The following PCDHA2 variants were observed in gnomAD, a reference collection of about 807,000 sequenced individuals.
PCDHA2 encodes the protein protocadherin alpha-2.
In PCDHA2, 58 loss-of-function variants were observed where a neutral mutation model predicts 66.0. The observed-to-expected ratio is 0.88, with a 90% confidence interval of 0.71 to 1.09. The LOEUF (loss-of-function observed/expected upper bound fraction) is 1.09. PCDHA2 is among the 50% of genes least tolerant of loss of function. The probability of loss-of-function intolerance (pLI) is 0.00; values close to 1 mark genes in which losing one functional copy is unlikely to be tolerated. For missense variants in PCDHA2, 1,267 were observed against 1,242.3 expected (o/e 1.02, Z -0.30); for synonymous variants, 634 against 554.0 (o/e 1.14, Z -2.03).
chr5:140,876,481 C>G, intron 1 of PCDHA2: 1 of 1,613,996 alleles, frequency 6.2e-7, no homozygotes, highest in Non-Finnish European at 8.5e-7. Context: ...CAGCATGGTC[C>G]TGGTGGAAGT....
intron 1 of PCDHA2, among the ~76,000 whole-genome samples, chr5:140,934,486 A>G (rs1243287097): frequency 6.6e-6 from 1 of 152,124 alleles, no homozygotes; most frequent in East Asian, 1.9e-4. Context: ...AATTATATTC[A>G]CCTCATAAAC....
intron 1 of PCDHA2, chr5:140,823,555 C>G: frequency 3.1e-6 from 5 of 1,613,846 alleles, no homozygotes; most frequent in South Asian, 1.1e-5. Context: ...GGCGAAGGTG[C>G]GCGCAGTGGA....
chr5:140,952,903 C>T (rs896493880), intron 1 of PCDHA2, among the ~76,000 whole-genome samples: 4 of 152,092 alleles, frequency 2.6e-5, no homozygotes, highest in African/African-American at 7.2e-5. Flanking sequence ...GGGAATCAAG[C>T]TCATCTTACA....
intron 2 of PCDHA2, among the ~76,000 whole-genome samples, chr5:140,979,895 T>G (rs1460432451): frequency 6.6e-6 from 1 of 152,222 alleles, no homozygotes; most frequent in Non-Finnish European, 1.5e-5. Context: ...TTCACCAAAC[T>G]TAGATCAGTT....
At chr5:140,831,018 G>C (rs1251776319) in intron 1 of PCDHA2, 1 of 152,212 alleles carries the variant, frequency 6.6e-6, no homozygotes, top group Non-Finnish European at 1.5e-5. Flanking sequence ...TCCCTTTTCA[G>C]ACTTGTGATT....
chr5:140,927,942 T>C, intron 1 of PCDHA2: 1 of 1,614,226 alleles, frequency 6.2e-7, no homozygotes, highest in Non-Finnish European at 8.5e-7. Flanking sequence ...ACCCAGTACC[T>C]GAGGACGCTG....
At chr5:140,959,614 G>T (rs1175211325) in intron 1 of PCDHA2, among the ~76,000 whole-genome samples, 1 of 152,024 alleles carries the variant, frequency 6.6e-6, no homozygotes, top group African/African-American at 2.4e-5. Context: ...TTTCTTGCTT[G>T]TGATAGAAAA....
intron 1 of PCDHA2, chr5:140,859,616 C>G (rs978716581): frequency 6.2e-6 from 1 of 162,228 alleles, no homozygotes; most frequent in Non-Finnish European, 1.3e-5. Flanking sequence ...TCTTTCCTTT[C>G]TCTTTGAGTA....
intron 1 of PCDHA2, chr5:140,878,115 A>T: frequency 4.3e-6 from 1 of 232,352 alleles, no homozygotes; most frequent in Non-Finnish European, 8.1e-6. Flanking sequence ...AAAAAACAGT[A>T]TATTAGATTA....
chr5:140,943,719 T>G (rs1198620937), intron 1 of PCDHA2, among the ~76,000 whole-genome samples: 2 of 152,126 alleles, frequency 1.3e-5, no homozygotes, highest in African/African-American at 4.8e-5. Context: ...TTTAAAGGTC[T>G]GAGAGAATGA....
At chr5:140,835,706 G>A in intron 1 of PCDHA2, 1 of 1,613,896 alleles carries the variant, frequency 6.2e-7, no homozygotes, top group Non-Finnish European at 8.5e-7. Context: ...CTGCTAGCGT[G>A]TCCGTGGAGG....
At chr5:140,842,908 G>A (rs2150347706) in intron 1 of PCDHA2, 9 of 1,594,496 alleles carry the variant, frequency 5.6e-6, no homozygotes, top group African/African-American at 1.3e-5. Flanking sequence ...AGGAGCTAGA[G>A]CTGCTGCAGT....
chr5:140,979,870 A>G (rs376036380), intron 2 of PCDHA2, among the ~76,000 whole-genome samples: 2 of 152,388 alleles, frequency 1.3e-5, no homozygotes, highest in South Asian at 2.1e-4. Context: ...TATCTGGGCA[A>G]CTATCAAGTG....
intron 1 of PCDHA2, among the ~76,000 whole-genome samples, chr5:140,897,090 C>G (rs1420408825): frequency 6.6e-6 from 1 of 151,950 alleles, no homozygotes; most frequent in Non-Finnish European, 1.5e-5. Context: ...ATTTTTTATC[C>G]TCATTAAAAA....
chr5:140,852,064 C>G, intron 1 of PCDHA2: 1 of 904,052 alleles, frequency 1.1e-6, no homozygotes, highest in Non-Finnish European at 1.3e-6. Flanking sequence ...ATTTTTCTTT[C>G]TCTTTCAGCT....
At position 140,849,851 on chromosome 5, in the gene PCDHA2, A is replaced by T. The variant is rs148732691; in HGVS notation, c.2388+52499A>T. On this transcript the variant is annotated intron_variant, in intron 1 of 3. Coordinates refer to ENST00000526136, the MANE Select transcript of PCDHA2 (RefSeq NM_018905.3). Reference sequence around the variant, plus strand: ...AGGTGGCCGACGTGAACGACAACGCACCAGCGTTCGCGCAGTCCGAGTACA... The same window carrying T: ...AGGTGGCCGACGTGAACGACAACGCTCCAGCGTTCGCGCAGTCCGAGTACA... The T allele has an allele frequency of 4.9e-4, 784 of 1,598,368 alleles. 43 individuals are homozygous for T. The African/African-American group carries it at 9.3e-3, about 19-fold the overall frequency.
intron 1 of PCDHA2, among the ~76,000 whole-genome samples, chr5:140,872,601 AAAT>A (rs1346815805): frequency 2.6e-5 from 4 of 152,140 alleles, no homozygotes; most frequent in African/African-American, 7.2e-5. Flanking sequence ...CCATCTGAAA[AAAT>A]AATTTTTTTT....
intron 3 of PCDHA2, among the ~76,000 whole-genome samples, chr5:141,004,550 G>A (rs1554259606): frequency 6.6e-6 from 1 of 152,222 alleles, no homozygotes; most frequent in African/African-American, 2.4e-5. Flanking sequence ...TCCTTTAACT[G>A]TGCAAGATGA....
chr5:140,822,234 A>C, intron 1 of PCDHA2: 1 of 1,614,268 alleles, frequency 6.2e-7, no homozygotes. Context: ...GGTTTCCGCT[A>C]GAGGGCGCGT....
Sources: gnomAD v4.1 joint callset for allele counts (sites outside exome capture counted in the v4.1 genomes callset) on GRCh38, gnomAD v4.1.1 for gene constraint, MANE v1.5 for transcripts, NCBI Gene and HGNC (gene_info 2026-07-23, HGNC 2026-07-21) for gene names.